CSMD1: variants seen among roughly 807,000 people sequenced by gnomAD.
CSMD1 encodes CUB and sushi domain-containing protein 1.
In CSMD1, 213 loss-of-function variants were observed where a neutral mutation model predicts 417.5. The ratio of observed to expected loss-of-function variants is 0.51; its 90% CI spans 0.46 to 0.57. CSMD1 has a LOEUF of 0.57. Ranked by LOEUF, CSMD1 falls within the 20% of genes least tolerant of loss-of-function variation. CSMD1 has a pLI of 0.00. For synonymous variants in CSMD1, 2,862 were observed against 1,736.8 expected (o/e 1.65, Z -16.11); for missense variants, 6,923 against 4,529.7 (o/e 1.53, Z -15.17).
chr8:3,544,601 C>G (rs1375107579), intron 10 of CSMD1, among the ~76,000 whole-genome samples: 1 of 152,034 alleles, frequency 6.6e-6, no homozygotes, highest in South Asian at 2.1e-4. Context: ...GGATCCCTTT[C>G]CAGTAACAAA....
chr8:3,462,763 A>T (rs534261646), intron 12 of CSMD1, among the ~76,000 whole-genome samples: 6 of 151,992 alleles, frequency 3.9e-5, no homozygotes, highest in Non-Finnish European at 8.8e-5. Flanking sequence ...GTCTACCTTA[A>T]AACCGGTCCC....
At chr8:4,254,929 A>C (rs976003345) in intron 3 of CSMD1, among the ~76,000 whole-genome samples, 2 of 152,204 alleles carry the variant, frequency 1.3e-5, no homozygotes, top group Admixed American at 6.5e-5. Context: ...CATTCCCATC[A>C]CTAATCAACA....
intron 3 of CSMD1, among the ~76,000 whole-genome samples, chr8:4,204,003 A>T (rs1033869332): frequency 2.0e-5 from 3 of 152,150 alleles, no homozygotes; most frequent in African/African-American, 7.2e-5. Context: ...CGGAAGACTG[A>T]GGCATCAGAA....
chr8:4,108,837 A>G (rs934340021), intron 3 of CSMD1, among the ~76,000 whole-genome samples: 2 of 152,244 alleles, frequency 1.3e-5, no homozygotes, highest in African/African-American at 2.4e-5. Context: ...AGAGTTCTGC[A>G]TATGCATGCA....
Position 4,198,591 on chromosome 8 carries a change from G to C in CSMD1, c.416-166492C>G, listed in dbSNP as rs372419389. ...GCACAAGGAATTTTTCAGCGCCTTT[G>C]ATTTTAACGTAATGAGTCTTTAAGC... On this transcript the variant is annotated intron_variant, in intron 3 of 69. Transcript: ENST00000635120. Among the ~76,000 whole-genome samples, 42 of 152,220 alleles carry C rather than the reference G, an allele frequency of 2.8e-4. 1 individual carries two copies. The highest frequency in any genetic ancestry group is 9.2e-4 in the African/African-American group (38 of 41,530).
At chr8:4,715,741 C>G (rs1450322322) in intron 1 of CSMD1, among the ~76,000 whole-genome samples, 1 of 152,158 alleles carries the variant, frequency 6.6e-6, no homozygotes, top group Non-Finnish European at 1.5e-5. Flanking sequence ...CTCTTTCTCT[C>G]ACACATATCC....
intron 12 of CSMD1, among the ~76,000 whole-genome samples, chr8:3,429,173 G>A (rs912717015): frequency 1.3e-5 from 2 of 152,160 alleles, no homozygotes; most frequent in African/African-American, 4.8e-5. Context: ...AAAATAGCTA[G>A]AAGAGAGGAT....
At chr8:3,443,351 A>G (rs769514456) in intron 12 of CSMD1, among the ~76,000 whole-genome samples, 2 of 152,326 alleles carry the variant, frequency 1.3e-5, no homozygotes, top group Non-Finnish European at 2.9e-5. Context: ...AGAGAAAGAG[A>G]AAGAGAGCAA....
At chr8:3,909,048 G>A (rs1040362482) in intron 5 of CSMD1, among the ~76,000 whole-genome samples, 3 of 152,154 alleles carry the variant, frequency 2.0e-5, no homozygotes, top group African/African-American at 4.8e-5. Context: ...GGTGAAATGC[G>A]GGGAGCAGCT....
chr8:3,614,565 C>T (rs1345133427), intron 8 of CSMD1, among the ~76,000 whole-genome samples: 1 of 152,158 alleles, frequency 6.6e-6, no homozygotes. Flanking sequence ...TTAAGCATTT[C>T]CTCTGTCATT....
intron 2 of CSMD1, among the ~76,000 whole-genome samples, chr8:4,586,395 A>G (rs922765265): frequency 6.6e-6 from 1 of 152,178 alleles, no homozygotes; most frequent in Admixed American, 6.5e-5. Flanking sequence ...TAAACTGTTA[A>G]AGTCACAGAC....
At chr8:4,522,835 T>C (rs1656592408) in intron 2 of CSMD1, among the ~76,000 whole-genome samples, 1 of 152,156 alleles carries the variant, frequency 6.6e-6, no homozygotes, top group Admixed American at 6.5e-5. Context: ...CACACACTAA[T>C]AGATCCTTTT....
intron 8 of CSMD1, among the ~76,000 whole-genome samples, chr8:3,589,696 T>A (rs533409887): frequency 6.6e-6 from 1 of 152,192 alleles, no homozygotes; most frequent in South Asian, 2.1e-4. Flanking sequence ...GCATGGTGAC[T>A]GTAGTTAATA....
At chr8:3,649,438 T>C (rs1189720772) in intron 7 of CSMD1, among the ~76,000 whole-genome samples, 1 of 152,194 alleles carries the variant, frequency 6.6e-6, no homozygotes, top group Non-Finnish European at 1.5e-5. Context: ...CTGGGTAATT[T>C]ATCAAGAGGC....
chr8:3,054,435 T>C (rs149421905), intron 49 of CSMD1, among the ~76,000 whole-genome samples: 2,670 of 152,180 alleles, frequency 0.018, 28 homozygotes, highest in Non-Finnish European at 0.029. Context: ...CTGGGCAACA[T>C]GGTGAAACCC....
intron 3 of CSMD1, among the ~76,000 whole-genome samples, chr8:4,293,142 C>T (rs973137866): frequency 2.0e-5 from 3 of 152,156 alleles, no homozygotes; most frequent in Non-Finnish European, 2.9e-5. Context: ...TTTTGTCCCG[C>T]ACCTGCCCTT....
At chr8:4,666,256 G>T (rs1316799516) in intron 1 of CSMD1, among the ~76,000 whole-genome samples, 1 of 152,114 alleles carries the variant, frequency 6.6e-6, no homozygotes, top group Non-Finnish European at 1.5e-5. Flanking sequence ...GGTAACAGAT[G>T]GAATCACGGT....
chr8:2,951,236 CCCTT>C lies in CSMD1; in HGVS notation c.10075_10078del (p.Lys3359GlyfsTer6). ...TCTTTTCCCTAAATATTCATAATACCCCTTCCACAGTGAATTGACGAAAAAGACA... is the reference window on the plus strand; with the variant it reads ...TCTTTTCCCTAAATATTCATAATACCCCACAGTGAATTGACGAAAAAGACA... On this transcript the variant is annotated frameshift_variant, in exon 66 of 70. Coordinates refer to ENST00000635120, the MANE Select transcript of CSMD1 (RefSeq NM_033225.6). LOFTEE classifies it high-confidence loss of function. 1 of 1,607,572 alleles carries C rather than the reference CCCTT, an allele frequency of 6.2e-7. No individual in the cohort carries two copies. Among genetic ancestry groups the C allele is most frequent in the Non-Finnish European group, 8.5e-7 (1 of 1,176,672 alleles).
At chr8:3,766,069 C>G (rs1396618471) in intron 5 of CSMD1, among the ~76,000 whole-genome samples, 1 of 152,190 alleles carries the variant, frequency 6.6e-6, no homozygotes, top group African/African-American at 2.4e-5. Context: ...TTGCTCAGAA[C>G]TCAAGCCTGG....
Sources: gnomAD v4.1 joint callset for allele counts (sites outside exome capture counted in the v4.1 genomes callset) on GRCh38, gnomAD v4.1.1 for gene constraint, MANE v1.5 for transcripts, NCBI Gene and HGNC (gene_info 2026-07-23, HGNC 2026-07-21) for gene names.